The following EBF4 variants were observed in gnomAD, a reference collection of about 807,000 sequenced individuals.
EBF4 encodes transcription factor COE4.
Under a neutral mutation model 67.1 loss-of-function variants are expected in EBF4, and 34 were observed. The observed-to-expected ratio is 0.51, with a 90% CI of 0.39 to 0.67. The LOEUF (loss-of-function observed/expected upper bound fraction) is 0.67. EBF4 is among the 30% of genes least tolerant of loss of function. The pLI is 0.00. For synonymous variants in EBF4, 387 were observed against 377.7 expected (o/e 1.02, Z -0.29); for missense variants, 837 against 873.3 (o/e 0.96, Z 0.52).
rs530166110 is a variant in EBF4 at position 2,696,837 on chromosome 20, T to C, written c.137+3055T>C. On this transcript the variant is annotated intron_variant, in intron 1 of 16. Coordinates refer to ENST00000609451, the Ensembl canonical transcript of EBF4. This position sits in a 1 kb window ranked among gnomAD's most constrained non-coding sequence, Gnocchi z 4.7. ...TAATGCTGCCTACGAATGCTTACCA[T>C]AGGCCAGCATCTGCTCTCCTCTGCC... is the stretch of plus-strand genomic sequence containing the variant. 6.6e-6 allele frequency among the ~76,000 whole-genome samples: 1 copy of C among 152,076 alleles called. No homozygotes were observed. Among genetic ancestry groups the C allele is most frequent in the East Asian group, 1.9e-4 (1 of 5,148 alleles).
chr20:2,731,782 G>A lies in EBF4; in HGVS notation c.558-16767G>A, dbSNP rs543032271. On this transcript the variant is annotated intron_variant, in intron 6 of 16. Coordinates refer to ENST00000609451, the Ensembl canonical transcript of EBF4. ...GTATTCCTTTTAGAACAGGGAACTG[G>A]CACAGAATCCAGGCCTCCATCTGCC... 8.5e-5 allele frequency among the ~76,000 whole-genome samples: 13 copies of A among 152,320 alleles called. No homozygotes were observed. In the South Asian group the frequency reaches 2.3e-3, roughly 27 times the overall value.
intron 7 of EBF4, 56 bp from the exon 8 acceptor site, chr20:2,749,345 C>A: frequency 7.3e-7 from 1 of 1,368,370 alleles, no homozygotes; most frequent in Middle Eastern, 2.6e-4. Context: ...CCACCACATT[C>A]CCCTCCCGGG....
At chr20:2,757,097 C>A (rs1313109307) in intron 15 of EBF4, among the ~76,000 whole-genome samples, 5 of 152,082 alleles carry the variant, frequency 3.3e-5, no homozygotes, top group African/African-American at 1.2e-4. Flanking sequence ...TCTCCAAATC[C>A]AAGGCAGGGG....
intron 6 of EBF4, among the ~76,000 whole-genome samples, chr20:2,724,353 A>T (rs1406385977): frequency 6.6e-6 from 1 of 152,172 alleles, no homozygotes; most frequent in African/African-American, 2.4e-5. Flanking sequence ...ATATATGAAT[A>T]ATTTTTTTTA....
In EBF4 at chr20:2,693,663, C is replaced by G. The variant is rs2087244791; in HGVS notation, c.18C>G (p.Asp6Glu). The change falls in exon 1 of 17, where the codon GAC (aspartate) becomes GAG (glutamate). Residue 6 changes from aspartate (D) to glutamate (E), a missense_variant. Coordinates refer to ENST00000609451, the Ensembl canonical transcript of EBF4. This position sits in a 1 kb window ranked among gnomAD's most constrained non-coding sequence, Gnocchi z 4.6. ...GCGCCCTCATGTTCCCTGCGCAGGA[C>G]GCTCTGCCCCGCAGCGGGCTGAACC... 2 of 1,444,248 alleles carry G rather than the reference C, an allele frequency of 1.4e-6. No individual in the cohort carries two copies. The highest frequency in any genetic ancestry group is 2.7e-5 in the South Asian group (2 of 73,500). The allele number at this position is 1,444,248 out of a possible 1,614,324, so 89.5% of individuals were successfully genotyped here.
In EBF4 at chr20:2,753,361, C is replaced by T. The variant is rs1054597915; in HGVS notation, c.1540+816C>T. ...TGCATGTCATGAGTGAGTGACCTTC[C>T]GAACGGCTTTGATGCCTTGTCATTT... On this transcript the variant is annotated intron_variant, in intron 14 of 16. Coordinates refer to ENST00000609451, the Ensembl canonical transcript of EBF4. Among the ~76,000 whole-genome samples, 16 of 152,186 alleles carry T rather than the reference C, an allele frequency of 1.1e-4. 1 individual carries two copies. The highest frequency in any genetic ancestry group is 5.2e-4 in the Admixed American group (8 of 15,280).
intron 6 of EBF4, among the ~76,000 whole-genome samples, chr20:2,737,006 T>C (rs1195694097): frequency 6.6e-6 from 1 of 151,616 alleles, no homozygotes; most frequent in African/African-American, 2.4e-5. Flanking sequence ...TCCCAGCACT[T>C]TGGGAGGCCA....
At position 2,696,484 on chromosome 20, in the gene EBF4, G is replaced by GTAAA. The variant is rs1193966774; in HGVS notation, c.137+2711_137+2714dup. Among the ~76,000 whole-genome samples, 1 of 151,900 alleles carries GTAAA rather than the reference G, an allele frequency of 6.6e-6. No homozygotes were observed. Among genetic ancestry groups the GTAAA allele is most frequent in the African/African-American group, 2.4e-5 (1 of 41,324 alleles). On this transcript the variant is annotated intron_variant, in intron 1 of 16. Coordinates refer to ENST00000609451, the Ensembl canonical transcript of EBF4. The surrounding 1 kb of genome is among the most constrained non-coding windows in gnomAD (Gnocchi z 4.7). ...GAAACTGTGCCTCAAAAATAAATAA[G>GTAAA]TAAATAAATAAAATAAAATAAAATA...
chr20:2,721,818 T>G (rs2087685088), intron 6 of EBF4, among the ~76,000 whole-genome samples: 1 of 152,230 alleles, frequency 6.6e-6, no homozygotes, highest in Non-Finnish European at 1.5e-5. Flanking sequence ...TATATTTTTC[T>G]GCTGATTCTA....
exon 2 of EBF4, chr20:2,705,581 G>C (rs749337026): frequency 6.4e-7 from 1 of 1,551,732 alleles, no homozygotes; most frequent in African/African-American, 1.4e-5. Flanking sequence ...CCACAGTGGC[G>C]TGGGTCTGGC....
At chr20:2,705,551 G>A in intron 1 of EBF4, 26 bp from the exon 2 acceptor site, 2 of 1,551,664 alleles carry the variant, frequency 1.3e-6, no homozygotes, top group Non-Finnish European at 1.7e-6. Flanking sequence ...CCTTCCAGTG[G>A]TTTTCCAGCT....
intron 14 of EBF4, 129 bp downstream of exon 14, chr20:2,752,674 G>C: frequency 1.2e-6 from 1 of 825,156 alleles, no homozygotes; most frequent in Non-Finnish European, 1.6e-6. Context: ...TCAGCCCTCG[G>C]GGTCAGGCCC....
intron 6 of EBF4, among the ~76,000 whole-genome samples, chr20:2,742,157 C>T (rs1472828155): frequency 1.3e-5 from 2 of 152,208 alleles, no homozygotes; most frequent in East Asian, 3.9e-4. Flanking sequence ...CTCTTGTCGG[C>T]ATCAGTGGTT....
At chr20:2,733,559 A>G (rs1398581816) in intron 6 of EBF4, among the ~76,000 whole-genome samples, 1 of 152,176 alleles carries the variant, frequency 6.6e-6, no homozygotes, top group Non-Finnish European at 1.5e-5. Flanking sequence ...ATATACTGGT[A>G]TGCTTGATGG....
In EBF4 at chr20:2,693,651, C is replaced by A. The variant is rs762198485; in HGVS notation, c.6C>A (p.Phe2Leu). 9 of 1,439,832 alleles carry A rather than the reference C, an allele frequency of 6.3e-6. 1 individual carries two copies. In the South Asian group the frequency reaches 9.6e-5, roughly 15 times the overall value. 89.2% of individuals were successfully genotyped at this position (1,439,832 alleles called of 1,614,324 possible). A position where few individuals can be genotyped will look rare whatever the true frequency, so the allele number is the denominator to read the frequency against. ...CTCACTCACCGCGCGCCCTCATGTT[C>A]CCTGCGCAGGACGCTCTGCCCCGCA... The change falls in exon 1 of 17, where the codon TTC becomes TTA. Residue 2 changes from phenylalanine to leucine, a missense_variant. Around this residue, in one of 3 missense-constraint regions of EBF4, gnomAD observed 86 missense variants for 70.3 expected, o/e 1.22. Coordinates refer to ENST00000609451, the Ensembl canonical transcript of EBF4. This position sits in a 1 kb window ranked among gnomAD's most constrained non-coding sequence, Gnocchi z 4.6.
chr20:2,708,330 G>A lies in EBF4; in HGVS notation c.488+310G>A, dbSNP rs547317995. Among the ~76,000 whole-genome samples, 6 of 152,304 alleles carry A rather than the reference G, an allele frequency of 3.9e-5. No individual in the cohort carries two copies. In the South Asian group the frequency reaches 6.2e-4, roughly 16 times the overall value. On this transcript the variant is annotated intron_variant, in intron 5 of 16. Coordinates refer to ENST00000609451, the Ensembl canonical transcript of EBF4. The stretch of plus-strand genomic sequence containing the variant: ...CTCAGGGGAGGGCTGCTGGGGTTGC[G>A]GGAACAGGGTCTGGGAAGGCCTCTG...
intron 1 of EBF4, among the ~76,000 whole-genome samples, chr20:2,700,085 A>G (rs1258778612): frequency 6.6e-6 from 1 of 152,206 alleles, no homozygotes. Context: ...GAGTTGGTGG[A>G]TAAATACCCC....
intron 7 of EBF4, 68 bp from the exon 8 acceptor site, chr20:2,749,333 C>A: frequency 1.6e-6 from 2 of 1,242,804 alleles, no homozygotes; most frequent in Non-Finnish European, 2.2e-6. Flanking sequence ...GGTGCTGGTT[C>A]CCCACCACAT....
Position 2,693,642 on chromosome 20 carries a change from C to A in EBF4, c.-4C>A. 2 of 1,412,672 alleles carry A rather than the reference C, an allele frequency of 1.4e-6. No homozygotes were observed. The highest frequency in any genetic ancestry group is 9.2e-7 in the Non-Finnish European group (1 of 1,087,950). The allele number at this position is 1,412,672 out of a possible 1,614,324, so 87.5% of individuals were successfully genotyped here. A position where few individuals can be genotyped will look rare whatever the true frequency, so the allele number is the denominator to read the frequency against. ...GCGGGGGCGCTCACTCACCGCGCGC[C>A]CTCATGTTCCCTGCGCAGGACGCTC... On this transcript the variant is annotated 5_prime_UTR_variant, in exon 1 of 17. Coordinates refer to ENST00000609451, the Ensembl canonical transcript of EBF4. The surrounding 1 kb of genome is among the most constrained non-coding windows in gnomAD (Gnocchi z 4.6).
Sources: allele counts gnomAD v4.1 joint callset (sites outside exome capture counted in the v4.1 genomes callset), GRCh38; gene constraint gnomAD v4.1.1; regional missense constraint gnomAD v4.1.1; non-coding constraint Gnocchi (gnomAD v3.1); transcripts MANE v1.5; gene names NCBI Gene and HGNC (gene_info 2026-07-23, HGNC 2026-07-21).